HDX: variants seen among roughly 807,000 people sequenced by gnomAD.
The protein encoded by HDX is highly divergent homeobox, also known as chromosome X open reading frame 43.
In HDX, 19 loss-of-function variants were observed where a neutral mutation model predicts 45.2. That is an observed-to-expected ratio of 0.42 (90% CI 0.29 to 0.62). The LOEUF (loss-of-function observed/expected upper bound fraction) is 0.62. Ranked by LOEUF, HDX falls within the 20% of genes least tolerant of loss-of-function variation. The pLI is 0.20. For synonymous variants in HDX, 188 were observed against 172.8 expected, an observed-to-expected ratio of 1.09 and a Z score of -0.69; for missense variants, 532 against 493.9, an observed-to-expected ratio of 1.08 and a Z score of -0.73.
intron 5 of HDX, among the ~76,000 whole-genome samples, chrX:84,436,259 C>A (rs1182130514): frequency 2.8e-5 from 2 of 70,884 alleles, no homozygotes; most frequent in African/African-American, 1.2e-4. Context: ...AGGGGAATGT[C>A]ACACTCTGGG....
At chrX:84,325,704 A>G (rs7057476) in intron 10 of HDX, among the ~76,000 whole-genome samples, 124 of 111,898 alleles carry the variant, frequency 1.1e-3, no homozygotes, top group African/African-American at 3.8e-3. Context: ...AAGTAATTTC[A>G]TATTTTCTTA....
intron 5 of HDX, among the ~76,000 whole-genome samples, chrX:84,365,005 C>T (rs1462899816): frequency 9.0e-6 from 1 of 111,029 alleles, no homozygotes; most frequent in African/African-American, 3.3e-5. Flanking sequence ...TTTTTTATCC[C>T]TCTATGGACA....
chrX:84,450,269 A>G (rs938461098), intron 4 of HDX, among the ~76,000 whole-genome samples: 3 of 111,237 alleles, frequency 2.7e-5, no homozygotes, highest in African/African-American at 9.8e-5. Flanking sequence ...AACAAAAAAA[A>G]CCATCACTCC....
intron 5 of HDX, among the ~76,000 whole-genome samples, chrX:84,433,755 G>T (rs2039556623): frequency 9.1e-6 from 1 of 110,330 alleles, no homozygotes; most frequent in Non-Finnish European, 1.9e-5. Flanking sequence ...ATATTTTATT[G>T]AATCTGTAGA....
intron 1 of HDX, among the ~76,000 whole-genome samples, chrX:84,493,454 T>C (rs12852658): frequency 8.9e-6 from 1 of 112,175 alleles, no homozygotes; most frequent in Non-Finnish European, 1.9e-5. Flanking sequence ...TATTCAGTTT[T>C]GCCAGCTACA....
intron 5 of HDX, among the ~76,000 whole-genome samples, chrX:84,391,821 T>G (rs1463955305): frequency 8.9e-6 from 1 of 111,929 alleles, no homozygotes; most frequent in Non-Finnish European, 1.9e-5. Flanking sequence ...TAGAGTCCCT[T>G]GTATATTCTG....
intron 4 of HDX, among the ~76,000 whole-genome samples, chrX:84,454,733 A>G (rs760015619): frequency 9.0e-6 from 1 of 111,112 alleles, no homozygotes; most frequent in South Asian, 3.9e-4. Context: ...ATAGGCAGTA[A>G]CGAGGCTATA....
At chrX:84,334,995 A>G (rs994456884) in intron 8 of HDX, among the ~76,000 whole-genome samples, 4 of 111,052 alleles carry the variant, frequency 3.6e-5, no homozygotes, top group Non-Finnish European at 7.6e-5. Context: ...GTCACAAATT[A>G]ACTTGGAATG....
intron 4 of HDX, 45 bp downstream of exon 4, chrX:84,468,425 TAC>T (rs1241843880): frequency 1.2e-6 from 1 of 840,268 alleles, no homozygotes. Flanking sequence ...TCTAACTGGA[TAC>T]ACACACAGTT....
intron 5 of HDX, among the ~76,000 whole-genome samples, chrX:84,417,244 G>GAAAGAAAT: frequency 9.0e-6 from 1 of 110,944 alleles, no homozygotes. Context: ...AAGAAAGAAA[G>GAAAGAAAT]AAAGAAAGAG....
chrX:84,420,344 T>G (rs1312433305), intron 5 of HDX, among the ~76,000 whole-genome samples: 1 of 111,883 alleles, frequency 8.9e-6, no homozygotes, highest in Non-Finnish European at 1.9e-5. Flanking sequence ...ATGGGCATAC[T>G]GAAGAATGCA....
chrX:84,405,096 C>T (rs779542607), intron 5 of HDX, among the ~76,000 whole-genome samples: 1 of 110,648 alleles, frequency 9.0e-6, no homozygotes, highest in South Asian at 3.8e-4. Context: ...ATTTTTAAAA[C>T]CCTGCAAAAC....
chrX:84,351,629 G>T (rs142896023), intron 6 of HDX, among the ~76,000 whole-genome samples: 42 of 110,941 alleles, frequency 3.8e-4, no homozygotes, highest in African/African-American at 1.3e-3. Flanking sequence ...GCACCTATTG[G>T]TGTTTCTTGA....
At chrX:84,363,872 G>A (rs2037678527) in intron 5 of HDX, among the ~76,000 whole-genome samples, 1 of 111,397 alleles carries the variant, frequency 9.0e-6, no homozygotes, top group Non-Finnish European at 1.9e-5. Flanking sequence ...CTGTGGCTGA[G>A]GTGAAGGAGG....
At chrX:84,464,310 A>G (rs2040298441) in intron 4 of HDX, among the ~76,000 whole-genome samples, 1 of 111,693 alleles carries the variant, frequency 9.0e-6, no homozygotes, top group Admixed American at 9.5e-5. Flanking sequence ...TTCTCCACAG[A>G]ATTAGAAAAA....
intron 5 of HDX, among the ~76,000 whole-genome samples, chrX:84,376,945 G>C (rs2038072360): frequency 8.9e-6 from 1 of 111,799 alleles, no homozygotes; most frequent in Non-Finnish European, 1.9e-5. Context: ...CCTTGGGAGA[G>C]ACCACATGTT....
rs757231418 is a variant in HDX at position 84,422,015 on chromosome X, CA to C, written c.1305+18516del. ...AAAGATCTTTGAGACAAGGAACCAA[CA>C]AAAAAAAAAAAAGACATAATCTTCA... On this transcript the variant is annotated intron_variant, in intron 5 of 10. Transcript: ENST00000373177. 9.9e-3 allele frequency among the ~76,000 whole-genome samples: 865 copies of C among 87,391 alleles called. 4 individuals are homozygous for C. The highest frequency in any genetic ancestry group is 0.024 in the African/African-American group (544 of 23,119). 75.9% of individuals were successfully genotyped at this position (87,391 alleles called of 115,157 possible). A position where few individuals can be genotyped will look rare whatever the true frequency, so the allele number is the denominator to read the frequency against.
At chrX:84,373,862 C>T (rs934662062) in intron 5 of HDX, among the ~76,000 whole-genome samples, 3 of 110,618 alleles carry the variant, frequency 2.7e-5, no homozygotes, top group East Asian at 2.9e-4. Flanking sequence ...ACAGGGATGC[C>T]CTCTCTCACC....
At chrX:84,490,180 T>C (rs1358157245) in intron 1 of HDX, among the ~76,000 whole-genome samples, 3 of 111,522 alleles carry the variant, frequency 2.7e-5, no homozygotes, top group African/African-American at 9.8e-5. Flanking sequence ...TCCTTTTTTT[T>C]TCTCTTAAGA....
Sources: allele counts gnomAD v4.1 joint callset (sites outside exome capture counted in the v4.1 genomes callset), GRCh38; gene constraint gnomAD v4.1.1; transcripts MANE v1.5; gene names NCBI Gene and HGNC (gene_info 2026-07-23, HGNC 2026-07-21).